Variants in HPRT1 observed in about 807,000 individuals in gnomAD.
The protein encoded by HPRT1 is hypoxanthine-guanine phosphoribosyltransferase.
HPRT1 carries 4 observed loss-of-function variants against 19.0 expected under a neutral mutation model. The ratio of observed to expected loss-of-function variants is 0.21; its 90% CI spans 0.10 to 0.48. The LOEUF (loss-of-function observed/expected upper bound fraction) is 0.48, where lower values mean the gene tolerates loss of function less well. Among genes scored for constraint, HPRT1 ranks in the 20% least tolerant of loss-of-function variants. HPRT1 has a pLI of 0.98. For synonymous variants in HPRT1, 53 were observed against 54.9 expected (o/e 0.97, Z 0.15); for missense variants, 65 against 164.0 (o/e 0.40, Z 3.30).
chrX:134,485,641 G>A (rs1377402530), intron 3 of HPRT1, among the ~76,000 whole-genome samples: 1 of 111,659 alleles, frequency 9.0e-6, no homozygotes, highest in Admixed American at 9.6e-5. Flanking sequence ...ATAGTTCTGG[G>A]TCTGTTTCTG....
intron 6 of HPRT1, among the ~76,000 whole-genome samples, chrX:134,496,352 T>C (rs6638248): frequency 0.13 from 14,478 of 111,599 alleles, 824 homozygotes; most frequent in East Asian, 0.21. Flanking sequence ...CATCTGCTTA[T>C]TGGCCATTTA....
chrX:134,477,020 T>G (rs1391854141), intron 3 of HPRT1, among the ~76,000 whole-genome samples: 1 of 52,602 alleles, frequency 1.9e-5, no homozygotes, highest in Non-Finnish European at 3.0e-5. Context: ...GATATGTTTA[T>G]TTTATTTTAT....
In HPRT1 at chrX:134,479,738, G is replaced by A. The variant is rs1486318805; in HGVS notation, c.318+4374G>A. On this transcript the variant is annotated intron_variant, in intron 3 of 8. Coordinates refer to ENST00000298556, the MANE Select transcript of HPRT1 (RefSeq NM_000194.3). ...CTCCCACCTCCCTTTCCAGAGTAGC[G>A]GGGACCACAGGTGTGTGCCACCACA... Among the ~76,000 whole-genome samples, 5 of 109,804 alleles carry A rather than the reference G, an allele frequency of 4.6e-5. No individual in the cohort carries two copies. The East Asian group carries it at 1.1e-3, about 25-fold the overall frequency.
chrX:134,479,574 G>T (rs1490964870), intron 3 of HPRT1, among the ~76,000 whole-genome samples: 1 of 111,150 alleles, frequency 9.0e-6, no homozygotes, highest in Admixed American at 9.6e-5. Context: ...CTGGCCAGTG[G>T]TTTTTTGTTG....
intron 3 of HPRT1, among the ~76,000 whole-genome samples, chrX:134,479,394 C>T (rs1218367344): frequency 9.1e-6 from 1 of 109,515 alleles, no homozygotes; most frequent in African/African-American, 3.3e-5. Flanking sequence ...CTTGGCCCCC[C>T]GAGTAGCTGG....
intron 5 of HPRT1, among the ~76,000 whole-genome samples, chrX:134,491,062 T>TAA (rs2077665329): frequency 9.4e-6 from 1 of 105,887 alleles, no homozygotes; most frequent in African/African-American, 3.4e-5. Context: ...TATATATATA[T>TAA]AATCTATAGA....
chrX:134,493,367 A>T, intron 5 of HPRT1, 141 bp from the exon 6 acceptor site: 1 of 515,272 alleles, frequency 1.9e-6, no homozygotes, highest in Non-Finnish European at 3.5e-6. Flanking sequence ...GATGATATAG[A>T]TTCCAGAATA....
At chrX:134,472,321 G>T (rs934191247) in intron 1 of HPRT1, among the ~76,000 whole-genome samples, 2 of 111,000 alleles carry the variant, frequency 1.8e-5, no homozygotes, top group African/African-American at 6.5e-5. Flanking sequence ...ACTACAGTGT[G>T]TTAAAACTTG....
intron 3 of HPRT1, among the ~76,000 whole-genome samples, chrX:134,484,624 A>G (rs2077647951): frequency 8.9e-6 from 1 of 112,305 alleles, no homozygotes. Context: ...ATTTGTTTAA[A>G]TGTTGAATAA....
At chrX:134,470,136 TA>T (rs904926258) in intron 1 of HPRT1, among the ~76,000 whole-genome samples, 11 of 112,400 alleles carry the variant, frequency 9.8e-5, no homozygotes, top group Non-Finnish European at 1.9e-4. Flanking sequence ...CATGTTTCTT[TA>T]AAAACAAATC....
At chrX:134,473,048 C>T (rs1459320591) in intron 1 of HPRT1, among the ~76,000 whole-genome samples, 4 of 110,209 alleles carry the variant, frequency 3.6e-5, no homozygotes, top group African/African-American at 9.9e-5. Context: ...TCACCACACC[C>T]GGCTAATTTT....
intron 1 of HPRT1, among the ~76,000 whole-genome samples, chrX:134,471,037 T>C (rs1265781535): frequency 2.0e-5 from 2 of 102,022 alleles, no homozygotes; most frequent in African/African-American, 3.5e-5. Flanking sequence ...CCTCCCTCCC[T>C]TCCCAATCTT....
At chrX:134,477,411 A>G (rs963269254) in intron 3 of HPRT1, among the ~76,000 whole-genome samples, 2 of 111,101 alleles carry the variant, frequency 1.8e-5, no homozygotes, top group Non-Finnish European at 3.8e-5. Context: ...TTTATATAAT[A>G]TAATAATCAC....
In HPRT1 at chrX:134,500,623, A is replaced by G. The variant is rs2077693034; in HGVS notation, c.*546A>G. ...AAATTATTACCAGTGAATCTTTGTC[A>G]GCAGTTCCCTTTTAAATGCAAATCA... On this transcript the variant is annotated 3_prime_UTR_variant, in exon 9 of 9. Transcript: ENST00000298556. 8.9e-6 allele frequency: 1 copy of G among 112,538 alleles called. No individual in the cohort carries two copies. Among genetic ancestry groups the G allele is most frequent in the African/African-American group, 3.2e-5 (1 of 30,887 alleles). 9.3% of individuals were successfully genotyped at this position (112,538 alleles called of 1,213,427 possible). A position where few individuals can be genotyped will look rare whatever the true frequency, so the allele number is the denominator to read the frequency against.
chrX:134,485,515 C>T (rs17879832), intron 3 of HPRT1, among the ~76,000 whole-genome samples: 6,003 of 111,679 alleles, frequency 0.054, 206 homozygotes, highest in Non-Finnish European at 0.081. Flanking sequence ...GAGGTAGGGA[C>T]CATACTTTTA....
At chrX:134,468,141 T>TAAA (rs2077601812) in intron 1 of HPRT1, among the ~76,000 whole-genome samples, 1 of 110,040 alleles carries the variant, frequency 9.1e-6, no homozygotes, top group Non-Finnish European at 1.9e-5. Flanking sequence ...AATTTAACAC[T>TAAA]GTTCACAGTT....
At chrX:134,492,048 C>CACACACACACACACACACACACATAT (rs1569358601) in intron 5 of HPRT1, among the ~76,000 whole-genome samples, 1 of 92,833 alleles carries the variant, frequency 1.1e-5, no homozygotes, top group African/African-American at 4.2e-5. Context: ...CACACACACA[C>CACACACACACACACACACACACATAT]ATATATATAT....
chrX:134,475,118 G>C (rs771235718), intron 2 of HPRT1, 63 bp from the exon 3 acceptor site: 1 of 886,293 alleles, frequency 1.1e-6, no homozygotes, highest in African/African-American at 2.0e-5. Context: ...ATGACTAAGA[G>C]GTGTTTGTTA....
At chrX:134,476,033 G>T (rs1228437123) in intron 3 of HPRT1, among the ~76,000 whole-genome samples, 1 of 111,917 alleles carries the variant, frequency 8.9e-6, no homozygotes, top group Non-Finnish European at 1.9e-5. Context: ...TGTTGGGTTG[G>T]TATTTCCTGT....
Sources: gnomAD v4.1 joint callset for allele counts (sites outside exome capture counted in the v4.1 genomes callset) on GRCh38, gnomAD v4.1.1 for gene constraint, MANE v1.5 for transcripts, NCBI Gene and HGNC (gene_info 2026-07-23, HGNC 2026-07-21) for gene names.